CR1L: variants seen among roughly 807,000 people sequenced by gnomAD.
CR1L encodes the protein complement component receptor 1-like protein.
Under a neutral mutation model 62.3 loss-of-function variants are expected in CR1L, and 59 were observed. The observed-to-expected ratio is 0.95, with a 90% CI of 0.77 to 1.18. The LOEUF (loss-of-function observed/expected upper bound fraction) is 1.18, where lower values mean the gene tolerates loss of function less well. CR1L is among the 50% of genes most tolerant of loss of function. The pLI is 0.00. For missense variants in CR1L, 700 were observed against 702.8 expected, an observed-to-expected ratio of 1.00 and a Z score of 0.04; for synonymous variants, 279 against 248.7, an observed-to-expected ratio of 1.12 and a Z score of -1.15.
intron 1 of CR1L, among the ~76,000 whole-genome samples, chr1:207,674,863 TG>T (rs771849984): frequency 1.4e-4 from 15 of 104,660 alleles, no homozygotes; most frequent in East Asian, 6.2e-4. Context: ...GTTTTATTCG[TG>T]TTTTTTTTTT....
In CR1L at chr1:207,697,876, G is replaced by A; in HGVS notation, c.1142+3G>A. On this transcript the variant is annotated splice_donor_region_variant and intron_variant, in intron 7 of 11. Coordinates refer to ENST00000508064, the MANE Select transcript of CR1L (RefSeq NM_175710.2). ...GTGGATTTTGTTTGTGATGAAGGGT[G>A]AGTATGAGCTTGCCTGACCTGCTGG... The A allele has an allele frequency of 2.5e-6, 4 of 1,613,866 alleles. No homozygotes were observed. Among genetic ancestry groups the A allele is most frequent in the Non-Finnish European group, 1.7e-6 (2 of 1,179,866 alleles).
intron 10 of CR1L, among the ~76,000 whole-genome samples, chr1:207,716,233 T>C (rs1473952855): frequency 2.0e-5 from 3 of 152,230 alleles, no homozygotes; most frequent in South Asian, 2.1e-4. Flanking sequence ...AAAATTATAA[T>C]ATATAAAATG....
intron 1 of CR1L, chr1:207,655,287 CTTTTT>C: frequency 4.1e-5 from 19 of 461,718 alleles, no homozygotes; most frequent in East Asian, 9.7e-5. Context: ...TAAGTAAATT[CTTTTT>C]TTTTTTTTTT....
At chr1:207,655,176 CT>C in intron 1 of CR1L, 1 of 582,588 alleles carries the variant, frequency 1.7e-6, no homozygotes, top group South Asian at 1.7e-5. Flanking sequence ...GTAACCCTTT[CT>C]TTTCCCATTT....
In CR1L at chr1:207,648,564, T is replaced by A. The variant is rs112550971; in HGVS notation, c.97+3234T>A. ...TGCCCTCTCAAAGGTAGTTGCCAAA[T>A]GGTTCCAGATAGCAGAAGGAAACAT... On this transcript the variant is annotated intron_variant, in intron 1 of 11. Coordinates refer to ENST00000508064, the MANE Select transcript of CR1L (RefSeq NM_175710.2). Among the ~76,000 whole-genome samples, 927 of 144,396 alleles carry A rather than the reference T, an allele frequency of 6.4e-3. 6 individuals carry two copies. Among genetic ancestry groups the A allele is most frequent in the African/African-American group, 0.022 (835 of 37,648 alleles). The allele number at this position is 144,396 out of a possible 152,430, so 94.7% of individuals were successfully genotyped here. A position where few individuals can be genotyped will look rare whatever the true frequency, so the allele number is the denominator to read the frequency against.
intron 4 of CR1L, among the ~76,000 whole-genome samples, chr1:207,685,668 T>G (rs958998733): frequency 1.3e-5 from 2 of 152,182 alleles, no homozygotes; most frequent in Admixed American, 6.5e-5. Flanking sequence ...ATGGCAACAG[T>G]TCCCACTGTC....
rs182029457 is a variant in CR1L, at chr1:207,723,300, C to T, written c.1643-318C>T. Among the ~76,000 whole-genome samples the T allele has an allele frequency of 4.6e-4, 70 of 151,850 alleles. No homozygotes were observed. The East Asian group carries it at 8.0e-3, about 17-fold the overall frequency. On this transcript the variant is annotated intron_variant, in intron 11 of 11. Transcript: ENST00000508064. ...CAAAAATTAGCTGGGTGTGGTAGCACGTGCCTGTTTTCCCAGCTACACAGG... is the reference window on the plus strand; with the variant it reads ...CAAAAATTAGCTGGGTGTGGTAGCATGTGCCTGTTTTCCCAGCTACACAGG...
At chr1:207,721,770 G>A (rs1023773436) in intron 11 of CR1L, among the ~76,000 whole-genome samples, 3 of 151,714 alleles carry the variant, frequency 2.0e-5, no homozygotes, top group Non-Finnish European at 4.4e-5. Context: ...TCGCCACACT[G>A]ACATCCACAA....
intron 1 of CR1L, chr1:207,669,659 T>C (rs1663579784): frequency 1.3e-6 from 1 of 755,394 alleles, no homozygotes; most frequent in East Asian, 2.9e-5. Flanking sequence ...TGCGCTGCTC[T>C]GCGCGCCCGG....
At chr1:207,656,672 C>T (rs910377167) in intron 1 of CR1L, among the ~76,000 whole-genome samples, 2 of 152,114 alleles carry the variant, frequency 1.3e-5, no homozygotes, top group African/African-American at 4.8e-5. Flanking sequence ...ATGGCAGGAG[C>T]AGGAGCAAGG....
intron 5 of CR1L, 84 bp downstream of exon 5, chr1:207,694,835 G>A: frequency 1.9e-6 from 3 of 1,603,486 alleles, no homozygotes; most frequent in Admixed American, 1.7e-5. Flanking sequence ...TTCAGGGGGA[G>A]GGATTTGTGC....
At chr1:207,701,811 A>G in intron 9 of CR1L, 193 bp downstream of exon 9, 1 of 834,564 alleles carries the variant, frequency 1.2e-6, no homozygotes, top group Non-Finnish European at 2.0e-6. Context: ...GCTGGAAACC[A>G]GGGCAGTGCA....
At chr1:207,720,258 T>G (rs1039223764) in intron 11 of CR1L, among the ~76,000 whole-genome samples, 3 of 152,322 alleles carry the variant, frequency 2.0e-5, no homozygotes, top group Non-Finnish European at 4.4e-5. Flanking sequence ...CTATCTAGTC[T>G]TGGCCTTTGA....
intron 4 of CR1L, among the ~76,000 whole-genome samples, chr1:207,693,299 G>A (rs562030473): frequency 2.0e-5 from 3 of 152,242 alleles, no homozygotes; most frequent in East Asian, 3.9e-4. Flanking sequence ...TGTATTTTTA[G>A]TAGAGACAGG....
intron 1 of CR1L, among the ~76,000 whole-genome samples, chr1:207,647,219 A>G (rs1663140847): frequency 6.6e-6 from 1 of 152,226 alleles, no homozygotes; most frequent in Non-Finnish European, 1.5e-5. Context: ...ATTTTCTGAC[A>G]GCATTTAACA....
At chr1:207,685,069 G>A (rs570228910) in intron 4 of CR1L, among the ~76,000 whole-genome samples, 36 of 151,906 alleles carry the variant, frequency 2.4e-4, no homozygotes, top group South Asian at 6.2e-4. Context: ...AAGATAACAT[G>A]GAATTGGAAT....
At chr1:207,655,425 G>T in intron 1 of CR1L, 2 of 265,534 alleles carry the variant, frequency 7.5e-6, no homozygotes, top group Non-Finnish European at 7.3e-6. Context: ...TTATCATATT[G>T]GAATTCAAAC....
At chr1:207,678,376 A>C in intron 3 of CR1L, 79 bp downstream of exon 3, 10 of 1,264,868 alleles carry the variant, frequency 7.9e-6, no homozygotes, top group Non-Finnish European at 1.1e-5. Flanking sequence ...GTCACATCTC[A>C]GAAAGGACAA....
At chr1:207,668,171 A>G (rs910698875) in intron 1 of CR1L, among the ~76,000 whole-genome samples, 2 of 151,120 alleles carry the variant, frequency 1.3e-5, no homozygotes, top group African/African-American at 5.0e-5. Context: ...TACTGGGTAT[A>G]TACCCAAAAG....
Sources: allele counts gnomAD v4.1 joint callset (sites outside exome capture counted in the v4.1 genomes callset), GRCh38; gene constraint gnomAD v4.1.1; transcripts MANE v1.5; gene names NCBI Gene and HGNC (gene_info 2026-07-23, HGNC 2026-07-21).